The following SRPK2 variants were observed in gnomAD, a reference collection of about 807,000 sequenced individuals.
The protein encoded by SRPK2 is SFRS protein kinase 2.
A neutral mutation model predicts 90.8 loss-of-function variants in SRPK2; 21 were observed. The ratio of observed to expected loss-of-function variants is 0.23; its 90% CI spans 0.16 to 0.33. The LOEUF (loss-of-function observed/expected upper bound fraction) is 0.33. Among genes scored for constraint, SRPK2 ranks in the 10% least tolerant of loss-of-function variants. The pLI is 1.00. For synonymous variants in SRPK2, 288 were observed against 311.1 expected, an observed-to-expected ratio of 0.93 and a Z score of 0.78; for missense variants, 620 against 869.0, an observed-to-expected ratio of 0.71 and a Z score of 3.60.
chr7:105,206,943 A>G (rs1377811781), intron 2 of SRPK2, among the ~76,000 whole-genome samples: 1 of 152,120 alleles, frequency 6.6e-6, no homozygotes, highest in African/African-American at 2.4e-5. Flanking sequence ...ACTTCTAATG[A>G]CCTACTTCAT....
chr7:105,297,085 C>T (rs1809920013), intron 2 of SRPK2, among the ~76,000 whole-genome samples: 2 of 152,162 alleles, frequency 1.3e-5, no homozygotes, highest in Non-Finnish European at 2.9e-5. Flanking sequence ...CACCCATCTA[C>T]TGGACAATAC....
chr7:105,246,362 C>T (rs1801665009), intron 2 of SRPK2, among the ~76,000 whole-genome samples: 1 of 152,188 alleles, frequency 6.6e-6, no homozygotes, highest in South Asian at 2.1e-4. Flanking sequence ...TCATTACGGT[C>T]AGGAAAGATT....
chr7:105,369,023 G>C (rs1268652371), intron 2 of SRPK2, among the ~76,000 whole-genome samples: 2 of 151,868 alleles, frequency 1.3e-5, no homozygotes, highest in African/African-American at 2.4e-5. Context: ...AATGGACAAG[G>C]GGAAGGCCAG....
At chr7:105,266,217 A>G (rs1805048731) in intron 2 of SRPK2, among the ~76,000 whole-genome samples, 1 of 151,860 alleles carries the variant, frequency 6.6e-6, no homozygotes. Context: ...TCAGTGAAGG[A>G]CTCTTAAGAT....
chr7:105,257,459 C>G (rs144369945), intron 2 of SRPK2, among the ~76,000 whole-genome samples: 9 of 152,330 alleles, frequency 5.9e-5, no homozygotes, highest in Non-Finnish European at 1.3e-4. Context: ...TTAGGTGATA[C>G]TTGAAACCTG....
At position 105,177,779 on chromosome 7, in the gene SRPK2, T is replaced by G. The variant is rs554596873; in HGVS notation, c.230-8514A>C. 3.0e-4 allele frequency among the ~76,000 whole-genome samples: 45 copies of G among 152,050 alleles called. 1 individual carries two copies. The highest frequency in any genetic ancestry group is 1.0e-3 in the African/African-American group (43 of 41,466). On this transcript the variant is annotated intron_variant, in intron 3 of 15. Transcript: ENST00000393651. ...GGCTCACGCCTGTAATCCTAGCACT[T>G]TGGGAGGCCGAGACGGGCGGATCAC...
At chr7:105,194,560 A>G (rs1391565941) in intron 3 of SRPK2, among the ~76,000 whole-genome samples, 1 of 152,202 alleles carries the variant, frequency 6.6e-6, no homozygotes, top group Admixed American at 6.5e-5. Context: ...TAACCCATCA[A>G]AACCACACCA....
chr7:105,174,122 G>C (rs1791527308), intron 3 of SRPK2, among the ~76,000 whole-genome samples: 1 of 148,986 alleles, frequency 6.7e-6, no homozygotes, highest in African/African-American at 2.5e-5. Context: ...CAAACACAAA[G>C]AGAACAAGAA....
intron 3 of SRPK2, among the ~76,000 whole-genome samples, chr7:105,197,362 T>A (rs1197204414): frequency 6.6e-6 from 1 of 152,160 alleles, no homozygotes. Context: ...CACTCAAATG[T>A]GTGTGACAGG....
At chr7:105,210,702 C>A (rs969923032) in intron 2 of SRPK2, among the ~76,000 whole-genome samples, 5 of 152,074 alleles carry the variant, frequency 3.3e-5, no homozygotes, top group Admixed American at 3.3e-4. Flanking sequence ...ACACTACATG[C>A]CAAAGGGAGA....
intron 2 of SRPK2, among the ~76,000 whole-genome samples, chr7:105,304,024 T>C (rs1810884023): frequency 6.6e-6 from 1 of 152,214 alleles, no homozygotes; most frequent in Non-Finnish European, 1.5e-5. Context: ...AAATTTGCAA[T>C]GGTATACTTT....
At chr7:105,227,005 T>C (rs1194024160) in intron 2 of SRPK2, among the ~76,000 whole-genome samples, 2 of 152,140 alleles carry the variant, frequency 1.3e-5, no homozygotes, top group Non-Finnish European at 2.9e-5. Context: ...AGCAAATCGT[T>C]TCTCATTGCT....
At chr7:105,221,140 A>C (rs543388693) in intron 2 of SRPK2, among the ~76,000 whole-genome samples, 245 of 152,310 alleles carry the variant, frequency 1.6e-3, no homozygotes, top group Middle Eastern at 6.8e-3. Context: ...ACTCACGATG[A>C]GGAATATCCA....
intron 2 of SRPK2, among the ~76,000 whole-genome samples, chr7:105,286,785 T>C (rs1013317951): frequency 6.6e-6 from 1 of 152,226 alleles, no homozygotes; most frequent in Non-Finnish European, 1.5e-5. Context: ...GATTTAAATA[T>C]GAAGAATGCT....
chr7:105,257,842 T>G (rs1803546977), intron 2 of SRPK2, among the ~76,000 whole-genome samples: 1 of 152,220 alleles, frequency 6.6e-6, no homozygotes, highest in Non-Finnish European at 1.5e-5. Flanking sequence ...CCGGGTGCAG[T>G]GGCTCACACC....
chr7:105,250,464 G>A (rs1425934739), intron 2 of SRPK2, among the ~76,000 whole-genome samples: 1 of 152,062 alleles, frequency 6.6e-6, no homozygotes, highest in East Asian at 1.9e-4. Context: ...GGCTGTGTTG[G>A]ATTTACAGAA....
At chr7:105,155,362 G>A (rs1465052658) in intron 7 of SRPK2, among the ~76,000 whole-genome samples, 1 of 152,204 alleles carries the variant, frequency 6.6e-6, no homozygotes, top group Non-Finnish European at 1.5e-5. Context: ...CAGACTCACA[G>A]AGGCTAAGTA....
intron 2 of SRPK2, among the ~76,000 whole-genome samples, chr7:105,299,836 G>T (rs1015021746): frequency 6.6e-6 from 1 of 152,182 alleles, no homozygotes; most frequent in Non-Finnish European, 1.5e-5. Flanking sequence ...GTAAGTTGCA[G>T]TGAGCCGAGA....
Position 105,143,072 on chromosome 7 carries a change from G to C in SRPK2, c.1060+12C>G, listed in dbSNP as rs1427428548. On this transcript the variant is annotated intron_variant, in intron 10 of 15. Transcript: ENST00000393651. ...AGAACCCCATGCAGCCCAGGTTCCA[G>C]GCCCCACTGACCATTGTCCTTTGCA... is the stretch of plus-strand genomic sequence containing the variant. 6 of 1,610,580 alleles carry C rather than the reference G, an allele frequency of 3.7e-6. No individual in the cohort carries two copies. Among genetic ancestry groups the C allele is most frequent in the South Asian group, 1.1e-5 (1 of 90,894 alleles).
Sources: allele counts gnomAD v4.1 joint callset (sites outside exome capture counted in the v4.1 genomes callset), GRCh38; gene constraint gnomAD v4.1.1; transcripts MANE v1.5; gene names NCBI Gene and HGNC (gene_info 2026-07-23, HGNC 2026-07-21).